Variants in FLT4 observed in about 807,000 individuals in gnomAD.
The protein encoded by FLT4 is fms related receptor tyrosine kinase 4.
FLT4 carries 30 observed loss-of-function variants against 163.2 expected under a neutral mutation model. The observed-to-expected ratio is 0.18, with a 90% CI of 0.14 to 0.25. The LOEUF (loss-of-function observed/expected upper bound fraction) is 0.25, where lower values mean the gene tolerates loss of function less well. Ranked by LOEUF, FLT4 falls within the 10% of genes least tolerant of loss-of-function variation. The pLI is 1.00. For missense variants in FLT4, 1,510 were observed against 1,863.8 expected (o/e 0.81, Z 3.50); for synonymous variants, 884 against 789.5 (o/e 1.12, Z -2.01).
At chr5:180,604,659 C>T (rs533966323) in intron 29 of FLT4, among the ~76,000 whole-genome samples, 2 of 152,330 alleles carry the variant, frequency 1.3e-5, no homozygotes, top group Admixed American at 6.5e-5. Context: ...CATGCACCAT[C>T]CTCAAGCGCT....
In FLT4 at chr5:180,630,206, G is replaced by T. The variant is rs1763982393; in HGVS notation, c.513+19C>A. Reference sequence around the variant, plus strand: ...GTGGGATGGGAGGGTCGGATGCTGGGGTTGGGGTGGGGCCGTACCGAGCGC... The same window carrying T: ...GTGGGATGGGAGGGTCGGATGCTGGTGTTGGGGTGGGGCCGTACCGAGCGC... On this transcript the variant is annotated intron_variant, in intron 4 of 29. Coordinates refer to ENST00000261937, the MANE Select transcript of FLT4 (RefSeq NM_182925.5). This position sits in a 1 kb window ranked among gnomAD's most constrained non-coding sequence, Gnocchi z 6.3. 9 of 1,610,510 alleles carry T rather than the reference G, an allele frequency of 5.6e-6. No homozygotes were observed. The East Asian group carries it at 2.0e-4, about 36-fold the overall frequency.
intron 26 of FLT4, chr5:180,611,843 G>A (rs1034298433): frequency 2.2e-5 from 8 of 369,056 alleles, no homozygotes; most frequent in African/African-American, 1.7e-4. Context: ...AGCCCTTCCA[G>A]GTACATTTAT....
chr5:180,639,231 A>G (rs1764914527), intron 1 of FLT4, among the ~76,000 whole-genome samples: 1 of 17,932 alleles, frequency 5.6e-5, no homozygotes, highest in African/African-American at 6.0e-5. Flanking sequence ...AGATGAGTGG[A>G]TGGGTGGACG....
At position 180,620,365 on chromosome 5, in the gene FLT4, T is replaced by A; in HGVS notation, c.2407-57A>T. On this transcript the variant is annotated intron_variant, in intron 16 of 29. Coordinates refer to ENST00000261937, the MANE Select transcript of FLT4 (RefSeq NM_182925.5). This position sits in a 1 kb window ranked among gnomAD's most constrained non-coding sequence, Gnocchi z 4.4. ...GCTCACTGATTTGGCCATACCACTG[T>A]GGCTTGGGCAGAACTTTGCCCAGGA... 2 of 1,602,260 alleles carry A rather than the reference T, an allele frequency of 1.2e-6. No homozygotes were observed. The highest frequency in any genetic ancestry group is 8.5e-7 in the Non-Finnish European group (1 of 1,176,804).
intron 25 of FLT4, 46 bp downstream of exon 25, chr5:180,612,965 C>CG (rs1561699267): frequency 6.8e-7 from 1 of 1,474,742 alleles, no homozygotes; most frequent in South Asian, 1.2e-5. Context: ...CCCACGCCCC[C>CG]GACGCTTGCT....
rs370461015 is a variant in FLT4, at chr5:180,636,857, T to A, written c.59-5079A>T. Among the ~76,000 whole-genome samples the A allele has an allele frequency of 2.6e-3, 400 of 151,916 alleles. 3 individuals carry two copies. The highest frequency in any genetic ancestry group is 9.1e-3 in the African/African-American group (375 of 41,412). On this transcript the variant is annotated intron_variant, in intron 1 of 29. Coordinates refer to ENST00000261937, the MANE Select transcript of FLT4 (RefSeq NM_182925.5). This position sits in a 1 kb window ranked among gnomAD's most constrained non-coding sequence, Gnocchi z 4.3. ...CCCGGTGCTGCCCCGTCCTGGTGCGTGGGGTCCGCAGCCGCCTCTCTGCAT... is the reference window on the plus strand; with the variant it reads ...CCCGGTGCTGCCCCGTCCTGGTGCGAGGGGTCCGCAGCCGCCTCTCTGCAT...
chr5:180,627,490 A>G (rs1360420618), intron 8 of FLT4, among the ~76,000 whole-genome samples: 1 of 152,230 alleles, frequency 6.6e-6, no homozygotes, highest in Non-Finnish European at 1.5e-5. Flanking sequence ...GGACAGTGAC[A>G]GCAGCGTGCT....
At position 180,620,001 on chromosome 5, in the gene FLT4, TG is replaced by T. The variant is rs1763000238; in HGVS notation, c.2542+171del. ...TGGCAGCAGGTGACCTCAGGGAGCC[TG>T]GGAACTGGGGACCCTGGCTGAGGTT... On this transcript the variant is annotated intron_variant, in intron 17 of 29. Transcript: ENST00000261937. The surrounding 1 kb of genome is among the most constrained non-coding windows in gnomAD (Gnocchi z 4.4). 6.6e-6 allele frequency among the ~76,000 whole-genome samples: 1 copy of T among 152,080 alleles called. No homozygotes were observed. The highest frequency in any genetic ancestry group is 2.1e-4 in the South Asian group (1 of 4,818).
chr5:180,620,807 C>T lies in FLT4; in HGVS notation c.2299+69G>A, dbSNP rs1276789478. ...CCCCTTCTGGTGGCCACGACTTGCC[C>T]AAGGTGGCCACAAGAAAGCGTTAAC... On this transcript the variant is annotated intron_variant, in intron 15 of 29. Transcript: ENST00000261937. This position sits in a 1 kb window ranked among gnomAD's most constrained non-coding sequence, Gnocchi z 4.4. 3 of 1,606,352 alleles carry T rather than the reference C, an allele frequency of 1.9e-6. No individual in the cohort carries two copies. The African/African-American group carries it at 4.0e-5, about 21-fold the overall frequency.
At chr5:180,625,347 T>A (rs539620100) in intron 10 of FLT4, among the ~76,000 whole-genome samples, 1 of 152,328 alleles carries the variant, frequency 6.6e-6, no homozygotes, top group South Asian at 2.1e-4. Context: ...TGCTTACAGC[T>A]GTGCCCCTGG....
intron 1 of FLT4, among the ~76,000 whole-genome samples, chr5:180,634,620 G>A (rs1374606561): frequency 3.4e-5 from 5 of 148,216 alleles, no homozygotes; most frequent in Admixed American, 6.7e-5. Context: ...GCGTGAAGCC[G>A]GGAGGCGGAG....
chr5:180,625,001 G>C lies in FLT4; in HGVS notation c.1421+868C>G, dbSNP rs772681137. Among the ~76,000 whole-genome samples, 30 of 152,316 alleles carry C rather than the reference G, an allele frequency of 2.0e-4. 1 individual carries two copies. The highest frequency in any genetic ancestry group is 3.4e-3 in the Middle Eastern group (1 of 294). On this transcript the variant is annotated intron_variant, in intron 10 of 29. Coordinates refer to ENST00000261937, the MANE Select transcript of FLT4 (RefSeq NM_182925.5). ...AGTGAGCTGCATGCCGCACGATCTA[G>C]AAGAATACCTATGAACCTTGGACAT...
At chr5:180,631,652 T>A (rs781159253) in intron 2 of FLT4, 30 bp downstream of exon 2, 3 of 1,559,066 alleles carry the variant, frequency 1.9e-6, no homozygotes. Context: ...GCAGCCTCTC[T>A]GGCCTGCCAG....
rs562823025 is a variant in FLT4 at position 180,619,096 on chromosome 5, C to T, written c.2775G>A (p.Val925=). The change falls in exon 20 of 30, where the codon GTG becomes GTA. Residue 925 remains valine, a synonymous_variant. Coordinates refer to ENST00000261937, the MANE Select transcript of FLT4 (RefSeq NM_182925.5). ...TGCCGTACTTGCAGAACTCCACGAT[C>T]ACCATGAGGGGGCCTGCGGCGGGAC... ...ACTKPQGPLM[V]IVEFCKYGNL... is the part of the protein sequence containing the mutation. 39 of 1,554,348 alleles carry T rather than the reference C, an allele frequency of 2.5e-5. No individual in the cohort carries two copies. In the East Asian group the frequency reaches 8.8e-4, roughly 35 times the overall value.
chr5:180,616,907 G>A lies in FLT4; in HGVS notation c.3089C>T (p.Ser1030Phe). The change falls in exon 22 of 30, where the codon TCC becomes TTC. Residue 1030 changes from serine (S) to phenylalanine (F), a missense_variant. By Grantham distance (155) the Ser-to-Phe change is radical (BLOSUM62 -2). This residue lies in a region of FLT4 where 878 missense variants were observed against 1,016.7 expected (regional missense o/e 0.86). Transcript: ENST00000261937. ...CCTTCGGGGGAAGCTCACCTTTCGG[G>A]AAGCCAGGAACTCCATCCCTCTGGC... is the stretch of plus-strand genomic sequence containing the variant. ...QVARGMEFLASRKCIHRDLAA... is the reference protein window; with the variant it reads ...QVARGMEFLAFRKCIHRDLAA... The A allele has an allele frequency of 6.2e-7, 1 of 1,612,954 alleles. No individual in the cohort carries two copies. Among genetic ancestry groups the A allele is most frequent in the South Asian group, 1.1e-5 (1 of 91,078 alleles).
intron 9 of FLT4, 38 bp from the exon 10 acceptor site, chr5:180,626,069 T>C (rs757697697): frequency 6.2e-7 from 1 of 1,612,688 alleles, no homozygotes; most frequent in Admixed American, 1.7e-5. Context: ...TGGCCTCCAA[T>C]GCCAGGCCGC....
chr5:180,646,038 C>T (rs1765474964), intron 1 of FLT4, among the ~76,000 whole-genome samples: 1 of 152,110 alleles, frequency 6.6e-6, no homozygotes. Context: ...AGAGAAGCAC[C>T]TCCCCTTGCA....
At chr5:180,612,229 G>A (rs1236865688) in intron 26 of FLT4, among the ~76,000 whole-genome samples, 2 of 152,094 alleles carry the variant, frequency 1.3e-5, no homozygotes, top group South Asian at 2.1e-4. Context: ...CTCACAGGCC[G>A]GGGGGGACCA....
At chr5:180,610,173 A>G in intron 27 of FLT4, 148 bp from the exon 28 acceptor site, 8 of 1,102,934 alleles carry the variant, frequency 7.3e-6, no homozygotes, top group Non-Finnish European at 9.3e-6. Context: ...GAGTGCTGGC[A>G]GGGGCTCCTC....
Sources: allele counts gnomAD v4.1 joint callset (sites outside exome capture counted in the v4.1 genomes callset), GRCh38; gene constraint gnomAD v4.1.1; regional missense constraint gnomAD v4.1.1; non-coding constraint Gnocchi (gnomAD v3.1); transcripts MANE v1.5; gene names NCBI Gene and HGNC (gene_info 2026-07-23, HGNC 2026-07-21).